Variants in WDR27 observed in about 807,000 individuals in gnomAD.
WDR27 encodes the protein WD repeat domain 27, also known as WD repeat-containing protein 27.
In WDR27, 100 loss-of-function variants were observed where a neutral mutation model predicts 114.4. That is an observed-to-expected ratio of 0.87 (90% CI 0.74 to 1.03). The LOEUF (loss-of-function observed/expected upper bound fraction) is 1.03, where lower values mean the gene tolerates loss of function less well. WDR27 is among the 50% of genes least tolerant of loss of function. WDR27 has a pLI of 0.00. For missense variants in WDR27, 1,129 were observed against 1,092.9 expected (o/e 1.03, Z -0.47); for synonymous variants, 449 against 423.1 (o/e 1.06, Z -0.75).
At chr6:169,504,322 G>A (rs556273361) in intron 25 of WDR27, among the ~76,000 whole-genome samples, 48 of 152,286 alleles carry the variant, frequency 3.2e-4, no homozygotes, top group Non-Finnish European at 6.0e-4. Context: ...TGAATTGTAA[G>A]AGTCCATGTG....
chr6:169,610,993 A>G (rs1039336891), intron 22 of WDR27, among the ~76,000 whole-genome samples: 1 of 152,184 alleles, frequency 6.6e-6, no homozygotes, highest in African/African-American at 2.4e-5. Flanking sequence ...CTTCACTACT[A>G]TACAATTCAT....
intron 25 of WDR27, among the ~76,000 whole-genome samples, chr6:169,551,100 C>A (rs185102449): frequency 1.8e-4 from 27 of 152,222 alleles, no homozygotes; most frequent in African/African-American, 6.5e-4. Context: ...AGGAAAAATA[C>A]TATAAAATTC....
intron 20 of WDR27, 95 bp from the exon 21 acceptor site, chr6:169,633,163 A>G: frequency 1.5e-6 from 2 of 1,311,854 alleles, no homozygotes; most frequent in Non-Finnish European, 2.0e-6. Context: ...TTGGAATATT[A>G]GAAGACTCAT....
intron 1 of WDR27, among the ~76,000 whole-genome samples, chr6:169,699,639 C>T (rs765023988): frequency 2.6e-5 from 4 of 152,104 alleles, no homozygotes; most frequent in African/African-American, 9.7e-5. Context: ...TCCTCATAGC[C>T]ACATCAGATG....
At chr6:169,479,079 T>C (rs1015732732) in intron 25 of WDR27, among the ~76,000 whole-genome samples, 2 of 152,116 alleles carry the variant, frequency 1.3e-5, no homozygotes, top group Non-Finnish European at 2.9e-5. Flanking sequence ...TGAAATGAAA[T>C]AGCTTCTGTA....
chr6:169,688,808 G>A lies in WDR27; in HGVS notation c.189+9C>T, dbSNP rs201706472. 61 of 1,594,644 alleles carry A rather than the reference G, an allele frequency of 3.8e-5. No homozygotes were observed. The highest frequency in any genetic ancestry group is 4.8e-5 in the Non-Finnish European group (56 of 1,170,940). Reference sequence around the variant, plus strand: ...CTTCATGACACTGGACATGTAACTCGTTCAATACCTGATGAGAAGGATCCT... The same window carrying A: ...CTTCATGACACTGGACATGTAACTCATTCAATACCTGATGAGAAGGATCCT... On this transcript the variant is annotated intron_variant, in intron 2 of 25. Coordinates refer to ENST00000448612, the MANE Select transcript of WDR27 (RefSeq NM_182552.5).
At chr6:169,656,565 G>A (rs896124532) in intron 13 of WDR27, among the ~76,000 whole-genome samples, 1 of 152,032 alleles carries the variant, frequency 6.6e-6, no homozygotes, top group East Asian at 1.9e-4. Context: ...GAAGAGGTTC[G>A]GGGGGCTGAG....
Position 169,659,065 on chromosome 6 carries a change from C to G in WDR27, c.1319+21G>C. ...TTATTGGTGAACACACACACACACT[C>G]CACACTTGAAGACACTCTACCTGGC... On this transcript the variant is annotated intron_variant, in intron 12 of 25. Transcript: ENST00000448612. This position sits in a 1 kb window ranked among gnomAD's most constrained non-coding sequence, Gnocchi z 4.3. 1 of 1,526,188 alleles carries G rather than the reference C, an allele frequency of 6.6e-7. No individual in the cohort carries two copies. Among genetic ancestry groups the G allele is most frequent in the Non-Finnish European group, 8.8e-7 (1 of 1,139,124 alleles). 94.5% of individuals were successfully genotyped at this position (1,526,188 alleles called of 1,614,324 possible). A position where few individuals can be genotyped will look rare whatever the true frequency, so the allele number is the denominator to read the frequency against.
intron 23 of WDR27, among the ~76,000 whole-genome samples, chr6:169,583,421 CTTAGAT>C (rs1329025311): frequency 2.1e-5 from 1 of 46,912 alleles, no homozygotes; most frequent in Non-Finnish European, 1.4e-4. Context: ...AATTCAAATA[CTTAGAT>C]TTTTTATAGC....
At chr6:169,690,973 T>C (rs1252532122) in intron 1 of WDR27, among the ~76,000 whole-genome samples, 3 of 152,174 alleles carry the variant, frequency 2.0e-5, no homozygotes, top group South Asian at 4.1e-4. Context: ...CCCAGCACTT[T>C]GGGAGGCCGA....
chr6:169,594,819 G>A (rs1051291179), intron 23 of WDR27, among the ~76,000 whole-genome samples: 2 of 152,098 alleles, frequency 1.3e-5, no homozygotes, highest in African/African-American at 4.8e-5. Context: ...TATTCAGCAT[G>A]GACTCAGATT....
At chr6:169,653,093 C>G (rs1823043713) in intron 13 of WDR27, among the ~76,000 whole-genome samples, 1 of 152,222 alleles carries the variant, frequency 6.6e-6, no homozygotes, top group African/African-American at 2.4e-5. Context: ...GACGAGCGGA[C>G]CCCGTGGGTT....
intron 23 of WDR27, among the ~76,000 whole-genome samples, chr6:169,589,800 C>T (rs1462090180): frequency 6.6e-6 from 1 of 152,156 alleles, no homozygotes; most frequent in African/African-American, 2.4e-5. Flanking sequence ...AATGTAACCA[C>T]AATCCATGTG....
At chr6:169,666,961 CA>C in intron 6 of WDR27, 174 bp downstream of exon 6, 1 of 985,424 alleles carries the variant, frequency 1.0e-6, no homozygotes, top group Non-Finnish European at 1.2e-6. Flanking sequence ...CAAGGACATT[CA>C]CTGTTAAGTG....
At chr6:169,523,173 C>G (rs1292913134) in intron 25 of WDR27, among the ~76,000 whole-genome samples, 1 of 151,856 alleles carries the variant, frequency 6.6e-6, no homozygotes, top group Non-Finnish European at 1.5e-5. Context: ...GATATGCCAA[C>G]AAATTGAAAA....
intron 25 of WDR27, among the ~76,000 whole-genome samples, chr6:169,471,666 G>A (rs1320978712): frequency 6.6e-6 from 1 of 152,092 alleles, no homozygotes; most frequent in African/African-American, 2.4e-5. Context: ...GACCACCTTG[G>A]CTTTTCCAAA....
chr6:169,637,825 G>A (rs1032792873), intron 18 of WDR27, among the ~76,000 whole-genome samples: 1 of 150,522 alleles, frequency 6.6e-6, no homozygotes, highest in African/African-American at 2.5e-5. Flanking sequence ...GTATGTAAGT[G>A]TGCGTATGTG....
chr6:169,480,086 C>T (rs750380065), intron 25 of WDR27, among the ~76,000 whole-genome samples: 6 of 152,288 alleles, frequency 3.9e-5, no homozygotes, highest in Middle Eastern at 3.4e-3. Flanking sequence ...CGCGGGCCAG[C>T]GTGAGTTCCA....
chr6:169,479,174 T>C (rs1787599082), intron 25 of WDR27, among the ~76,000 whole-genome samples: 1 of 152,018 alleles, frequency 6.6e-6, no homozygotes, highest in African/African-American at 2.4e-5. Flanking sequence ...ATACCCAGAA[T>C]CTATAGGAAA....
Sources: gnomAD v4.1 joint callset for allele counts (sites outside exome capture counted in the v4.1 genomes callset) on GRCh38, gnomAD v4.1.1 for gene constraint, Gnocchi (gnomAD v3.1) non-coding constraint, MANE v1.5 for transcripts, NCBI Gene and HGNC (gene_info 2026-07-23, HGNC 2026-07-21) for gene names.